Variants in SLC5A12 observed in about 807,000 individuals in gnomAD.
SLC5A12 encodes the protein solute carrier family 5 member 12.
SLC5A12 carries 46 observed loss-of-function variants against 72.7 expected under a neutral mutation model. That is an observed-to-expected ratio of 0.63 (90% CI 0.50 to 0.81). The LOEUF is 0.81. Among genes scored for constraint, SLC5A12 ranks in the 30% least tolerant of loss-of-function variants. The pLI, the probability that SLC5A12 is intolerant of heterozygous loss-of-function variation, is 0.00. For missense variants in SLC5A12, 683 were observed against 740.7 expected (o/e 0.92, Z 0.90); for synonymous variants, 275 against 264.4 (o/e 1.04, Z -0.39).
At position 26,698,459 on chromosome 11, in the gene SLC5A12, G is replaced by C. The variant is rs372068936; in HGVS notation, c.898C>G (p.His300Asp). ...AVFSGLIMYS[H>D]FKDCDPWTSG... The stretch of plus-strand genomic sequence containing the variant: ...GTCCAAGGGTCACAGTCTTTAAAGT[G>C]AGAGTACATGATTAAGCCAGAGAAG... The change falls in exon 7 of 15, where the codon CAC becomes GAC. Residue 300 changes from histidine (H) to aspartate (D), a missense_variant. Coordinates refer to ENST00000396005, the MANE Select transcript of SLC5A12 (RefSeq NM_178498.4). 3.1e-6 allele frequency: 5 copies of C among 1,613,940 alleles called. No individual in the cohort carries two copies. In the African/African-American group the frequency reaches 6.7e-5, roughly 22 times the overall value.
At chr11:26,705,010 G>A (rs988216832) in intron 4 of SLC5A12, among the ~76,000 whole-genome samples, 1 of 152,050 alleles carries the variant, frequency 6.6e-6, no homozygotes, top group Non-Finnish European at 1.5e-5. Flanking sequence ...GTAAAATTTA[G>A]GATACAATGA....
At chr11:26,716,569 T>C (rs1428698788) in intron 1 of SLC5A12, among the ~76,000 whole-genome samples, 4 of 152,156 alleles carry the variant, frequency 2.6e-5, no homozygotes, top group African/African-American at 9.7e-5. Context: ...AACATTATGA[T>C]GGATTATTTT....
chr11:26,696,039 G>C lies in SLC5A12; in HGVS notation c.1040+1125C>G, dbSNP rs151229389. Among the ~76,000 whole-genome samples, 318 of 152,252 alleles carry C rather than the reference G, an allele frequency of 2.1e-3. 5 individuals carry two copies. Among genetic ancestry groups the C allele is most frequent in the South Asian group, 0.012 (56 of 4,824 alleles). ...ACAAATATCACATATTCAGAAAGGA[G>C]TTCCTTAAAGACCCTATCGAAATTA... On this transcript the variant is annotated intron_variant, in intron 8 of 14. Transcript: ENST00000396005.
At chr11:26,699,212 A>G (rs1854900253) in intron 6 of SLC5A12, among the ~76,000 whole-genome samples, 1 of 152,192 alleles carries the variant, frequency 6.6e-6, no homozygotes, top group South Asian at 2.1e-4. Flanking sequence ...TAATTTCCTC[A>G]ATTCCAGAGA....
At chr11:26,689,909 G>C (rs1854625666) in intron 9 of SLC5A12, among the ~76,000 whole-genome samples, 1 of 151,912 alleles carries the variant, frequency 6.6e-6, no homozygotes, top group Non-Finnish European at 1.5e-5. Context: ...TTTAAAACTT[G>C]GCCATATAAT....
intron 10 of SLC5A12, among the ~76,000 whole-genome samples, chr11:26,685,341 G>T (rs1854503655): frequency 6.6e-6 from 1 of 152,094 alleles, no homozygotes; most frequent in Non-Finnish European, 1.5e-5. Context: ...ATTACAAAAG[G>T]CCAGGCGTAG....
In SLC5A12 at chr11:26,681,002, T is replaced by C. The variant is rs895815744; in HGVS notation, c.1475+53A>G. The C allele has an allele frequency of 5.5e-5, 80 of 1,465,644 alleles. No individual in the cohort carries two copies. The African/African-American group carries it at 1.1e-3, about 20-fold the overall frequency. The allele number at this position is 1,465,644 out of a possible 1,614,324, so 90.8% of individuals were successfully genotyped here. The stretch of plus-strand genomic sequence containing the variant: ...TATCTCTGAAGAGTGCACCTCCCTC[T>C]TACCAGGTGACCCACTCTCTGGGAC... On this transcript the variant is annotated intron_variant, in intron 12 of 14. Transcript: ENST00000396005.
chr11:26,710,718 C>T (rs1590737750), intron 3 of SLC5A12, among the ~76,000 whole-genome samples: 1 of 152,108 alleles, frequency 6.6e-6, no homozygotes, highest in African/African-American at 2.4e-5. Context: ...ATAAAAAGGA[C>T]TTTCTTGGCA....
intron 13 of SLC5A12, among the ~76,000 whole-genome samples, chr11:26,674,494 G>A (rs529779027): frequency 1.3e-5 from 2 of 152,028 alleles, no homozygotes; most frequent in Non-Finnish European, 2.9e-5. Flanking sequence ...CCGTCTCCCG[G>A]GTTCAAGTGA....
chr11:26,683,698 A>G, intron 11 of SLC5A12, 59 bp downstream of exon 11: 1 of 1,384,176 alleles, frequency 7.2e-7, no homozygotes, highest in Non-Finnish European at 1.0e-6. Context: ...GAGAGGAGAG[A>G]GAAAACGGCT....
intron 9 of SLC5A12, among the ~76,000 whole-genome samples, chr11:26,690,354 T>C (rs914736048): frequency 2.6e-5 from 4 of 152,022 alleles, no homozygotes; most frequent in Non-Finnish European, 5.9e-5. Context: ...GGCTATAATA[T>C]AAAACAAGAT....
upstream of SLC5A12, among the ~76,000 whole-genome samples, chr11:26,722,908 T>C (rs1018861063): frequency 1.3e-5 from 2 of 150,918 alleles, no homozygotes; most frequent in Non-Finnish European, 2.9e-5. Context: ...GTGAAGCTTT[T>C]CTGCCTCTCC....
At chr11:26,693,344 C>A (rs991129378) in intron 8 of SLC5A12, among the ~76,000 whole-genome samples, 6 of 152,124 alleles carry the variant, frequency 3.9e-5, no homozygotes, top group African/African-American at 1.4e-4. Flanking sequence ...CCTAAAGCTA[C>A]CAGAGTTGCT....
In SLC5A12 at chr11:26,697,291, A is replaced by T. The variant is rs755663698; in HGVS notation, c.952-39T>A. On this transcript the variant is annotated intron_variant, in intron 7 of 14. Coordinates refer to ENST00000396005, the MANE Select transcript of SLC5A12 (RefSeq NM_178498.4). ...AAAACATAAAAAAATAAATAAAAAG[A>T]AGAAAGAAAGAAAAGAAAAGAGAAG... 4 of 1,542,176 alleles carry T rather than the reference A, an allele frequency of 2.6e-6. No homozygotes were observed. The South Asian group carries it at 3.6e-5, about 14-fold the overall frequency.
intron 13 of SLC5A12, among the ~76,000 whole-genome samples, chr11:26,677,332 A>G (rs2133136635): frequency 6.6e-6 from 1 of 152,344 alleles, no homozygotes; most frequent in South Asian, 2.1e-4. Context: ...CAAATTTAAT[A>G]TAAGTGCTGC....
chr11:26,678,771 T>C lies in SLC5A12; in HGVS notation c.1520A>G (p.Tyr507Cys). 6.2e-7 allele frequency: 1 copy of C among 1,613,278 alleles called. No individual in the cohort carries two copies. Among genetic ancestry groups the C allele is most frequent in the Non-Finnish European group, 8.5e-7 (1 of 1,179,544 alleles). ...GCATCCTAAGCAGCCCACTGCACTG[T>C]AGTAAAGGTAGGAGATCGAGTACCA... ...DTWYSISYLY[Y>C]SAVGCLGCIV... The change falls in exon 13 of 15, where the codon TAC becomes TGC. Residue 507 changes from tyrosine (Y) to cysteine (C), a missense_variant. By Grantham distance (194) the Tyr-to-Cys change is radical. Coordinates refer to ENST00000396005, the MANE Select transcript of SLC5A12 (RefSeq NM_178498.4).
intron 11 of SLC5A12, 57 bp from the exon 12 acceptor site, chr11:26,681,278 A>G: frequency 7.1e-7 from 1 of 1,417,926 alleles, no homozygotes; most frequent in South Asian, 1.5e-5. Flanking sequence ...TATGGAAAGA[A>G]TAATGAGATG....
chr11:26,670,675 C>G lies in SLC5A12; in HGVS notation c.*427G>C, dbSNP rs960791146. 1 of 152,666 alleles carries G rather than the reference C, an allele frequency of 6.6e-6. No individual in the cohort carries two copies. The highest frequency in any genetic ancestry group is 1.5e-5 in the Non-Finnish European group (1 of 68,584). 9.5% of individuals were successfully genotyped at this position (152,666 alleles called of 1,614,324 possible). ...GTGGATGTCATTCCTCTATTTTATC[C>G]CTCGTGGCAGGAAAGTGTTAAATAT... On this transcript the variant is annotated 3_prime_UTR_variant, in exon 15 of 15. Transcript: ENST00000396005.
At chr11:26,682,708 T>C (rs1326286718) in intron 11 of SLC5A12, among the ~76,000 whole-genome samples, 2 of 152,164 alleles carry the variant, frequency 1.3e-5, no homozygotes, top group African/African-American at 4.8e-5. Flanking sequence ...TACAATGTAC[T>C]AACATAGATA....
Sources: allele counts gnomAD v4.1 joint callset (sites outside exome capture counted in the v4.1 genomes callset), GRCh38; gene constraint gnomAD v4.1.1; transcripts MANE v1.5; gene names NCBI Gene and HGNC (gene_info 2026-07-23, HGNC 2026-07-21).